Variants in ARPIN observed in about 807,000 individuals in gnomAD.
The protein encoded by ARPIN is UPF0552 protein C15orf38.
A neutral mutation model predicts 25.9 loss-of-function variants in ARPIN; 23 were observed. That is an observed-to-expected ratio of 0.89 (90% confidence interval 0.64 to 1.26). ARPIN has a LOEUF of 1.26. Among genes scored for constraint, ARPIN ranks in the 50% most tolerant of loss-of-function variants. The pLI is 0.00. For missense variants in ARPIN, 333 were observed against 312.2 expected, an observed-to-expected ratio of 1.07 and a Z score of -0.50; for synonymous variants, 126 against 131.4, an observed-to-expected ratio of 0.96 and a Z score of 0.28.
At chr15:89,912,663 T>TGGGGGGCC in intron 1 of ARPIN, 81 bp downstream of exon 1, 18 of 871,022 alleles carry the variant, frequency 2.1e-5, no homozygotes, top group East Asian at 1.0e-4. Flanking sequence ...CCCACCCGCA[T>TGGGGGGCC]CCCACCCCCC....
chr15:89,905,789 ACTT>A (rs1897109912), intron 3 of ARPIN, among the ~76,000 whole-genome samples: 1 of 151,158 alleles, frequency 6.6e-6, no homozygotes, highest in African/African-American at 2.4e-5. Context: ...TCCTGGGCCC[ACTT>A]CTTTTCTCCT....
chr15:89,899,617 C>T lies in ARPIN; in HGVS notation c.*2178G>A, dbSNP rs1596231158. The T allele has an allele frequency of 1.3e-5, 2 of 152,076 alleles. No individual in the cohort carries two copies. The highest frequency in any genetic ancestry group is 2.9e-5 in the Non-Finnish European group (2 of 68,234). The allele number at this position is 152,076 out of a possible 1,614,324, so 9.4% of individuals were successfully genotyped here. ...TGTTGATTTTGCCCCCCGAATGCCC[C>T]TCAAATCATTCTCTTCTTTCCATCT... On this transcript the variant is annotated 3_prime_UTR_variant, in exon 6 of 6. Coordinates refer to ENST00000357484, the MANE Select transcript of ARPIN (RefSeq NM_182616.4).
Position 89,912,895 on chromosome 15 carries a change from C to A in ARPIN, c.-60G>T. On this transcript the variant is annotated 5_prime_UTR_variant, in exon 1 of 6. Coordinates refer to ENST00000357484, the MANE Select transcript of ARPIN (RefSeq NM_182616.4). ...GGCGCACTGGGCTGGGGGCGCGGCG[C>A]GGGAAGTGCTGCAGGACGCGCGGGG... The A allele has an allele frequency of 1.4e-6, 2 of 1,460,994 alleles. No homozygotes were observed. Among genetic ancestry groups the A allele is most frequent in the Non-Finnish European group, 9.0e-7 (1 of 1,113,452 alleles). The allele number at this position is 1,460,994 out of a possible 1,614,324, so 90.5% of individuals were successfully genotyped here.
In ARPIN at chr15:89,898,518, C is replaced by G. The variant is rs529755698; in HGVS notation, c.*3277G>C. On this transcript the variant is annotated 3_prime_UTR_variant, in exon 6 of 6. Transcript: ENST00000357484. ...ACAGTAAATGTTAGTATAGTTAAAG[C>G]TCCAAGAAATCCTACAGAAATGTTT... The G allele has an allele frequency of 4.6e-5, 7 of 152,210 alleles. No individual in the cohort carries two copies. The highest frequency in any genetic ancestry group is 8.8e-5 in the Non-Finnish European group (6 of 68,034). 9.4% of individuals were successfully genotyped at this position (152,210 alleles called of 1,614,324 possible).
chr15:89,899,428 C>T lies in ARPIN; in HGVS notation c.*2367G>A, dbSNP rs980380141. 2.6e-5 allele frequency: 4 copies of T among 152,202 alleles called. No homozygotes were observed. Among genetic ancestry groups the T allele is most frequent in the African/African-American group, 9.7e-5 (4 of 41,402 alleles). 9.4% of individuals were successfully genotyped at this position (152,202 alleles called of 1,614,324 possible). ...CCTCAGCCCACTTGGTTTTCCCATC[C>T]CTAGGGAGCTAGTTTCAGTTCTCTA... On this transcript the variant is annotated 3_prime_UTR_variant, in exon 6 of 6. Transcript: ENST00000357484.
At position 89,912,627 on chromosome 15, in the gene ARPIN, G is replaced by A. The variant is rs547119336; in HGVS notation, c.92+117C>T. 570 of 1,349,898 alleles carry A rather than the reference G, an allele frequency of 4.2e-4. 3 individuals carry two copies. In the African/African-American group the frequency reaches 8.0e-3, roughly 19 times the overall value. 83.6% of individuals were successfully genotyped at this position (1,349,898 alleles called of 1,614,324 possible). ...TGGAGGGGCGGACTGAAGGCGGAGA[G>A]GCGGCTTTGGCAACCCCAGTTTTCC... On this transcript the variant is annotated intron_variant, in intron 1 of 5. Transcript: ENST00000357484.
In ARPIN at chr15:89,910,776, G is replaced by C. The variant is rs756112595; in HGVS notation, c.136C>G (p.Arg46Gly). 2 of 1,614,176 alleles carry C rather than the reference G, an allele frequency of 1.2e-6. No homozygotes were observed. The highest frequency in any genetic ancestry group is 8.5e-7 in the Non-Finnish European group (1 of 1,180,014). ...LLEGELIDVS[R>G]HSILDTHGRK... ...CCATGAGTGTCCAAGATGCTGTGCC[G>C]AGATACATCGATCAGTTCTCCCTCC... The change falls in exon 2 of 6, where the codon CGG becomes GGG. Residue 46 changes from arginine (R) to glycine (G), a missense_variant. Arg to Gly is a moderately radical substitution (Grantham distance 125). Transcript: ENST00000357484.
intron 5 of ARPIN, 26 bp downstream of exon 5, chr15:89,903,190 C>A: frequency 2.5e-6 from 4 of 1,614,178 alleles, no homozygotes; most frequent in Non-Finnish European, 3.4e-6. Flanking sequence ...CCAGGAGATA[C>A]AACTGCACCA....
chr15:89,903,320 T>A lies in ARPIN; in HGVS notation c.568A>T (p.Lys190Ter). ...VTKCNFTGDG[K>*]TGASWTDNIM... ...TTGTCTGTCCAGGATGCCCCTGTCT[T>A]TCCATCACCAGTGAAATTACACTTG... Residue 190 changes from lysine (K) to a stop codon, truncating the protein, a stop_gained, in exon 5 of 6, where the codon AAG becomes TAG. Transcript: ENST00000357484. LOFTEE classifies it high-confidence loss of function. The A allele has an allele frequency of 6.2e-7, 1 of 1,614,190 alleles. No individual in the cohort carries two copies. The highest frequency in any genetic ancestry group is 8.5e-7 in the Non-Finnish European group (1 of 1,180,028).
intron 2 of ARPIN, among the ~76,000 whole-genome samples, chr15:89,909,077 A>C (rs1364364524): frequency 6.6e-6 from 1 of 152,184 alleles, no homozygotes; most frequent in Non-Finnish European, 1.5e-5. Context: ...GTGCAATGGA[A>C]AGGGCACTGA....
At position 89,895,557 on chromosome 15, in the gene ARPIN, C is replaced by A. The variant is rs765334896; in HGVS notation, c.*6238G>T. ...GGAAAATGAGTCTACTGACTTCAGA[C>A]AGTTGTTATAAACACAAAGGGAGTT... On this transcript the variant is annotated 3_prime_UTR_variant, in exon 6 of 6. Coordinates refer to ENST00000357484, the MANE Select transcript of ARPIN (RefSeq NM_182616.4). 6.6e-6 allele frequency: 1 copy of A among 152,246 alleles called. No individual in the cohort carries two copies. Among genetic ancestry groups the A allele is most frequent in the Non-Finnish European group, 1.5e-5 (1 of 68,052 alleles). The allele number at this position is 152,246 out of a possible 1,614,324, so 9.4% of individuals were successfully genotyped here. A position where few individuals can be genotyped will look rare whatever the true frequency, so the allele number is the denominator to read the frequency against.
chr15:89,904,146 G>A (rs1032963647), intron 3 of ARPIN, among the ~76,000 whole-genome samples, 163 bp from the exon 4 acceptor site: 1 of 152,216 alleles, frequency 6.6e-6, no homozygotes, highest in Non-Finnish European at 1.5e-5. Flanking sequence ...CTCCACAGCA[G>A]AGGCGGACAG....
In ARPIN at chr15:89,912,732, G is replaced by A. The variant is rs999018224; in HGVS notation, c.92+12C>T. ...AGGGGAGGCCGACCCGAGGCCGTGA[G>A]CCCAGGCCTACCCCTGGTGGGCGGC... On this transcript the variant is annotated intron_variant, in intron 1 of 5. Transcript: ENST00000357484. The A allele has an allele frequency of 7.1e-7, 1 of 1,405,538 alleles. No individual in the cohort carries two copies. Among genetic ancestry groups the A allele is most frequent in the South Asian group, 1.4e-5 (1 of 70,168 alleles). 87.1% of individuals were successfully genotyped at this position (1,405,538 alleles called of 1,614,324 possible). A position where few individuals can be genotyped will look rare whatever the true frequency, so the allele number is the denominator to read the frequency against.
At chr15:89,912,336 G>C in intron 1 of ARPIN, 1 of 1,005,960 alleles carries the variant, frequency 9.9e-7, no homozygotes, top group South Asian at 4.5e-5. Context: ...CAGCCCGCCC[G>C]CTGTTCCCGC....
chr15:89,899,924 G>C lies in ARPIN; in HGVS notation c.*1871C>G, dbSNP rs1475434537. The C allele has an allele frequency of 2.0e-5, 3 of 152,340 alleles. No homozygotes were observed. The highest frequency in any genetic ancestry group is 2.0e-4 in the Admixed American group (3 of 15,274). 9.4% of individuals were successfully genotyped at this position (152,340 alleles called of 1,614,324 possible). A position where few individuals can be genotyped will look rare whatever the true frequency, so the allele number is the denominator to read the frequency against. On this transcript the variant is annotated 3_prime_UTR_variant, in exon 6 of 6. Transcript: ENST00000357484. Reference sequence around the variant, plus strand: ...CAGACACAATGGTCTTTCCCTTCCTGAAGCCCATCCAAGACACCCCGCCCT... The same window carrying C: ...CAGACACAATGGTCTTTCCCTTCCTCAAGCCCATCCAAGACACCCCGCCCT...
intron 5 of ARPIN, 141 bp downstream of exon 5, chr15:89,903,075 C>A: frequency 6.4e-7 from 1 of 1,563,102 alleles, no homozygotes; most frequent in South Asian, 1.2e-5. Context: ...GATGCTAACA[C>A]ATTCCCAGGT....
At chr15:89,906,583 A>T (rs1231935173) in intron 3 of ARPIN, among the ~76,000 whole-genome samples, 2 of 152,172 alleles carry the variant, frequency 1.3e-5, no homozygotes, top group Admixed American at 6.5e-5. Context: ...TTTCAAGTAT[A>T]CGACTGGGTC....
At chr15:89,906,965 AG>A (rs1201981316) in intron 3 of ARPIN, among the ~76,000 whole-genome samples, 1 of 151,848 alleles carries the variant, frequency 6.6e-6, no homozygotes. Context: ...AGACAGCAAA[AG>A]AAAAGGAAAA....
chr15:89,905,886 C>T (rs1897112163), intron 3 of ARPIN, among the ~76,000 whole-genome samples: 1 of 152,126 alleles, frequency 6.6e-6, no homozygotes, highest in Admixed American at 6.6e-5. Flanking sequence ...TAGAACTATC[C>T]TCCAAGGCCT....
Sources: allele counts gnomAD v4.1 joint callset (sites outside exome capture counted in the v4.1 genomes callset), GRCh38; gene constraint gnomAD v4.1.1; transcripts MANE v1.5; gene names NCBI Gene and HGNC (gene_info 2026-07-23, HGNC 2026-07-21).